The following IRAG1 variants were observed in gnomAD, a reference collection of about 807,000 sequenced individuals.
IRAG1 encodes the protein inositol 1,4,5-triphosphate receptor associated 1.
A neutral mutation model predicts 106.2 loss-of-function variants in IRAG1; 62 were observed. The ratio of observed to expected loss-of-function variants is 0.58; its 90% CI spans 0.48 to 0.72. IRAG1 has a LOEUF of 0.72. IRAG1 is among the 30% of genes least tolerant of loss of function. The probability of loss-of-function intolerance (pLI) is 0.00; values close to 1 mark genes in which losing one functional copy is unlikely to be tolerated. For missense variants in IRAG1, 1,064 were observed against 1,140.7 expected (o/e 0.93, Z 0.97); for synonymous variants, 462 against 443.9 (o/e 1.04, Z -0.51).
chr11:10,639,030 A>G (rs1056921300), intron 2 of IRAG1, among the ~76,000 whole-genome samples: 10 of 152,040 alleles, frequency 6.6e-5, no homozygotes, highest in South Asian at 2.1e-4. Context: ...AGCAATTCTC[A>G]TGCCTCAGCC....
chr11:10,586,216 G>T (rs1037807429), intron 18 of IRAG1: 5 of 152,050 alleles, frequency 3.3e-5, no homozygotes, highest in African/African-American at 1.2e-4. Context: ...GGTGGCAAGT[G>T]GGGGAAACAC....
chr11:10,669,733 C>T (rs191987053), intron 1 of IRAG1, among the ~76,000 whole-genome samples: 1 of 152,258 alleles, frequency 6.6e-6, no homozygotes, highest in Non-Finnish European at 1.5e-5. Context: ...GTAGTTCCCC[C>T]CCTTACCCTT....
chr11:10,599,093 C>T (rs1027815287), intron 15 of IRAG1, among the ~76,000 whole-genome samples: 7 of 152,186 alleles, frequency 4.6e-5, no homozygotes, highest in Admixed American at 2.0e-4. Flanking sequence ...GTACAGCTAT[C>T]GTTGACCTTT....
At chr11:10,627,028 A>C (rs1485988197) in intron 8 of IRAG1, among the ~76,000 whole-genome samples, 1 of 152,174 alleles carries the variant, frequency 6.6e-6, no homozygotes, top group East Asian at 1.9e-4. Context: ...GAGTTCCATG[A>C]TCCAAAGAGG....
chr11:10,671,284 C>A (rs1044734039), intron 1 of IRAG1, among the ~76,000 whole-genome samples: 79 of 152,276 alleles, frequency 5.2e-4, no homozygotes, highest in Non-Finnish European at 1.1e-3. Context: ...ATGAGCTCAG[C>A]AAGGCTGCAG....
rs750959169 is a variant in IRAG1, at chr11:10,576,595, T to C, written c.2496-20A>G. ...AGTTTGCTGTCAATGAAAAAAAATA[T>C]GCAGAGGCTTTAGTATACTGGGCAC... On this transcript the variant is annotated intron_variant, in intron 20 of 20. Coordinates refer to ENST00000423302, the MANE Select transcript of IRAG1 (RefSeq NM_130385.4). The C allele has an allele frequency of 5.6e-6, 9 of 1,613,514 alleles. No individual in the cohort carries two copies. The highest frequency in any genetic ancestry group is 6.8e-6 in the Non-Finnish European group (8 of 1,179,808).
At position 10,623,842 on chromosome 11, in the gene IRAG1, C is replaced by T. The variant is rs756055705; in HGVS notation, c.1383G>A (p.Met461Ile). 1 of 1,613,970 alleles carries T rather than the reference C, an allele frequency of 6.2e-7. No homozygotes were observed. Among genetic ancestry groups the T allele is most frequent in the Admixed American group, 1.7e-5 (1 of 60,030 alleles). ...TGAGCCCCACTAAGTTCTGATTTCT[C>T]ATCAGGATGTGCTCCTTTGTGGTAA... Reference protein sequence around the residue: ...LTKLREEHILMRNQNLVGLKL... With the variant: ...LTKLREEHILIRNQNLVGLKL... Residue 461 changes from methionine (M) to isoleucine (I), a missense_variant, in exon 10 of 21, where the codon ATG becomes ATA. Physicochemically the swap from Met to Ile is conservative, Grantham distance 10. Transcript: ENST00000423302.
Position 10,602,137 on chromosome 11 carries a change from G to A in IRAG1, c.1875+983C>T, listed in dbSNP as rs529347093. 2.0e-5 allele frequency among the ~76,000 whole-genome samples: 3 copies of A among 152,330 alleles called. No individual in the cohort carries two copies. The South Asian group carries it at 6.2e-4, about 32-fold the overall frequency. On this transcript the variant is annotated intron_variant, in intron 14 of 20. Coordinates refer to ENST00000423302, the MANE Select transcript of IRAG1 (RefSeq NM_130385.4). ...TCCCGTGTTGCTGCTCCCAGCTGGA[G>A]TGACTTCCTGGGCACCACTGCTGAG...
chr11:10,667,054 T>C (rs1180908182), intron 1 of IRAG1, among the ~76,000 whole-genome samples: 1 of 152,256 alleles, frequency 6.6e-6, no homozygotes. Flanking sequence ...AAAATGATTT[T>C]TTCATTAATG....
chr11:10,641,300 G>T (rs1029176449), intron 2 of IRAG1, among the ~76,000 whole-genome samples: 1 of 152,218 alleles, frequency 6.6e-6, no homozygotes, highest in Non-Finnish European at 1.5e-5. Flanking sequence ...TTGAATTAAT[G>T]ACTTTGGCAT....
At chr11:10,588,548 G>A (rs1037592829) in intron 18 of IRAG1, among the ~76,000 whole-genome samples, 2 of 152,100 alleles carry the variant, frequency 1.3e-5, no homozygotes, top group African/African-American at 2.4e-5. Flanking sequence ...TGGGGCTTTC[G>A]TTATATTGCC....
chr11:10,634,459 A>G (rs989102672), intron 2 of IRAG1, among the ~76,000 whole-genome samples: 2 of 152,162 alleles, frequency 1.3e-5, no homozygotes, highest in Non-Finnish European at 2.9e-5. Context: ...ATTATTAACT[A>G]CAGTCACCGT....
chr11:10,628,151 A>G lies in IRAG1; in HGVS notation c.653-126T>C. 1 of 1,029,210 alleles carries G rather than the reference A, an allele frequency of 9.7e-7. No homozygotes were observed. The allele number at this position is 1,029,210 out of a possible 1,614,324, so 63.8% of individuals were successfully genotyped here. ...CTCAGGCCTGGAAGATTTGCTGACT[A>G]CCTCCCGTGTGCCAGGTTCTCAGGT... On this transcript the variant is annotated intron_variant, in intron 6 of 20. Transcript: ENST00000423302. The surrounding 1 kb of genome is among the most constrained non-coding windows in gnomAD (Gnocchi z 4.1).
chr11:10,606,457 A>G (rs1245768954), intron 12 of IRAG1, among the ~76,000 whole-genome samples: 1 of 152,224 alleles, frequency 6.6e-6, no homozygotes, highest in Non-Finnish European at 1.5e-5. Context: ...GGTTTTGTGT[A>G]TCTAAGTCGT....
At chr11:10,598,628 A>G (rs1853595667) in intron 15 of IRAG1, among the ~76,000 whole-genome samples, 1 of 152,258 alleles carries the variant, frequency 6.6e-6, no homozygotes, top group Non-Finnish European at 1.5e-5. Context: ...AAAAGAAAGA[A>G]CAAGAATTGT....
At chr11:10,634,865 C>G (rs1395442675) in intron 2 of IRAG1, among the ~76,000 whole-genome samples, 1 of 151,034 alleles carries the variant, frequency 6.6e-6, no homozygotes, top group African/African-American at 2.4e-5. Context: ...AGATTGTTTC[C>G]ATACCTTGTC....
intron 10 of IRAG1, chr11:10,617,151 G>T (rs1310387678): frequency 1.0e-6 from 1 of 985,246 alleles, no homozygotes. Context: ...CTCAGCCTAC[G>T]TGTCCCTCAA....
At chr11:10,601,173 G>T in intron 14 of IRAG1, 114 bp from the exon 15 acceptor site, 1 of 1,408,996 alleles carries the variant, frequency 7.1e-7, no homozygotes, top group Non-Finnish European at 9.6e-7. Context: ...ACAGGGACAA[G>T]ACTCTGCCCT....
chr11:10,631,635 A>G (rs1245614118), intron 4 of IRAG1, among the ~76,000 whole-genome samples: 1 of 152,188 alleles, frequency 6.6e-6, no homozygotes, highest in Non-Finnish European at 1.5e-5. Context: ...TGAGCAGATG[A>G]CCAGGGCAGC....
Sources: gnomAD v4.1 joint callset for allele counts (sites outside exome capture counted in the v4.1 genomes callset) on GRCh38, gnomAD v4.1.1 for gene constraint, Gnocchi (gnomAD v3.1) non-coding constraint, MANE v1.5 for transcripts, NCBI Gene and HGNC (gene_info 2026-07-23, HGNC 2026-07-21) for gene names.